Variants in JMJD1C observed in about 807,000 individuals in gnomAD.
The protein encoded by JMJD1C is jumonji domain-containing protein 1C.
Under a neutral mutation model 245.3 loss-of-function variants are expected in JMJD1C, and 31 were observed. The observed-to-expected ratio is 0.13, with a 90% CI of 0.09 to 0.17. The LOEUF (loss-of-function observed/expected upper bound fraction) is 0.17. JMJD1C is among the 10% of genes least tolerant of loss of function. JMJD1C has a pLI of 1.00. For synonymous variants in JMJD1C, 1,057 were observed against 1,017.4 expected, an observed-to-expected ratio of 1.04 and a Z score of -0.74; for missense variants, 2,691 against 3,000.2, an observed-to-expected ratio of 0.90 and a Z score of 2.41.
intron 1 of JMJD1C, among the ~76,000 whole-genome samples, chr10:63,491,245 T>C (rs184382565): frequency 5.3e-4 from 80 of 152,322 alleles, no homozygotes; most frequent in African/African-American, 1.9e-3. Context: ...TTATAACTTT[T>C]CTTTTTCATC....
chr10:63,464,335 AAC>A (rs965278854), intron 1 of JMJD1C, among the ~76,000 whole-genome samples: 9 of 152,324 alleles, frequency 5.9e-5, no homozygotes, highest in African/African-American at 1.9e-4. Flanking sequence ...AGTTTACAAA[AAC>A]ACACTCAGAA....
At chr10:63,338,640 ATTTTTTTTTTTTTTT>A (rs34238197) in intron 2 of JMJD1C, among the ~76,000 whole-genome samples, 90 of 95,128 alleles carry the variant, frequency 9.5e-4, no homozygotes, top group African/African-American at 3.7e-3. Flanking sequence ...TGCTCCTTAG[ATTTTTTTTTTTTTTT>A]TTTTTTTTTT....
chr10:63,442,901 C>T (rs1951475451), intron 1 of JMJD1C, among the ~76,000 whole-genome samples: 4 of 152,144 alleles, frequency 2.6e-5, no homozygotes, highest in South Asian at 2.1e-4. Flanking sequence ...ACCACTTCTC[C>T]GACTCTCTGA....
At chr10:63,323,089 C>A (rs1310203617) in intron 2 of JMJD1C, among the ~76,000 whole-genome samples, 1 of 151,940 alleles carries the variant, frequency 6.6e-6, no homozygotes, top group Non-Finnish European at 1.5e-5. Context: ...CCGCCTTGGG[C>A]AAGACCAAAG....
At position 63,206,614 on chromosome 10, in the gene JMJD1C, C is replaced by T. The variant is rs1330490299; in HGVS notation, c.5055G>A (p.Lys1685=). Residue 1685 remains lysine (K), a synonymous_variant, in exon 10 of 26, where the codon AAG becomes AAA. Transcript: ENST00000399262. ...SRSAKERSKL[K]LQSNSNTGIP... ...ACTTACTATTACTGTTGCTTTGCAA[C>T]TTCAGTTTACTTCTTTCTTTGGCAC... 8 of 1,591,332 alleles carry T rather than the reference C, an allele frequency of 5.0e-6. No individual in the cohort carries two copies. The highest frequency in any genetic ancestry group is 6.8e-6 in the Non-Finnish European group (8 of 1,172,618).
At chr10:63,351,477 T>C (rs138812139) in intron 2 of JMJD1C, among the ~76,000 whole-genome samples, 206 of 152,294 alleles carry the variant, frequency 1.4e-3, no homozygotes, top group Non-Finnish European at 2.5e-3. Flanking sequence ...TTGAGGTCTA[T>C]TATAATTCCT....
Position 63,241,074 on chromosome 10 carries a change from G to T in JMJD1C, c.448-21091C>A, listed in dbSNP as rs1413206262. Among the ~76,000 whole-genome samples the T allele has an allele frequency of 2.0e-5, 3 of 152,160 alleles. No homozygotes were observed. The East Asian group carries it at 5.8e-4, about 29-fold the overall frequency. On this transcript the variant is annotated intron_variant, in intron 3 of 25. Coordinates refer to ENST00000399262, the MANE Select transcript of JMJD1C (RefSeq NM_032776.3). ...CGGTATTATAAAACATAAGTACTGTGAATGAGACTCGACTATAGAGCTAGA... is the reference window on the plus strand; with the variant it reads ...CGGTATTATAAAACATAAGTACTGTTAATGAGACTCGACTATAGAGCTAGA...
intron 2 of JMJD1C, among the ~76,000 whole-genome samples, chr10:63,358,435 T>C (rs962357724): frequency 1.3e-5 from 2 of 151,688 alleles, no homozygotes; most frequent in Admixed American, 6.6e-5. Flanking sequence ...CGGTGGTGTG[T>C]ACCTGTCGTC....
At position 63,219,871 on chromosome 10, in the gene JMJD1C, T is replaced by TA; in HGVS notation, c.553+6dup. The stretch of plus-strand genomic sequence containing the variant: ...AAAAATTTAATGCATAACTTCAAAA[T>TA]AGTTACCTTGCATAAAAATCTCCTG... On this transcript the variant is annotated splice_region_variant and intron_variant, in intron 4 of 25. Transcript: ENST00000399262. 1 of 1,605,494 alleles carries TA rather than the reference T, an allele frequency of 6.2e-7. No homozygotes were observed. The highest frequency in any genetic ancestry group is 2.2e-5 in the East Asian group (1 of 44,818).
Position 63,319,858 on chromosome 10 carries a change from G to C in JMJD1C, c.334-55094C>G, listed in dbSNP as rs528748459. On this transcript the variant is annotated intron_variant, in intron 2 of 25. Transcript: ENST00000399262. Reference sequence around the variant, plus strand: ...TGGCTCACTGCAACCTCCACCTCCAGGTTCAAGCAATTCTCCTGCCTCAGC... The same window carrying C: ...TGGCTCACTGCAACCTCCACCTCCACGTTCAAGCAATTCTCCTGCCTCAGC... 9.0e-4 allele frequency among the ~76,000 whole-genome samples: 137 copies of C among 152,294 alleles called. 3 individuals carry two copies. The South Asian group carries it at 0.028, about 31-fold the overall frequency.
Position 63,189,221 on chromosome 10 carries a change from A to AAT in JMJD1C, c.6515_6516dup (p.Tyr2173IlefsTer30). 6.2e-7 allele frequency: 1 copy of AAT among 1,612,734 alleles called. No individual in the cohort carries two copies. The highest frequency in any genetic ancestry group is 8.5e-7 in the Non-Finnish European group (1 of 1,179,436). ...AGCTTCCAATTACTGCTATTCTTATAATCCTTAAGCCATAAAATATGCTTC... is the reference window on the plus strand; with the variant it reads ...AGCTTCCAATTACTGCTATTCTTATAATATCCTTAAGCCATAAAATATGCTTC... On this transcript the variant is annotated frameshift_variant, in exon 18 of 26. Transcript: ENST00000399262. LOFTEE classifies it high-confidence loss of function.
chr10:63,213,637 G>C lies in JMJD1C; in HGVS notation c.2530C>G (p.Leu844Val). ...QQLLQHQSPH[L>V]LGQAHPSASY... Reference sequence around the variant, plus strand: ...GCAGAAGGATGGGCTTGTCCAAGAAGATGAGGTGACTGGTGCTGTAACAAC... The same window carrying C: ...GCAGAAGGATGGGCTTGTCCAAGAACATGAGGTGACTGGTGCTGTAACAAC... The change falls in exon 8 of 26, where the codon CTT becomes GTT. Residue 844 changes from leucine (L) to valine (V), a missense_variant. Around this residue, in one of 9 missense-constraint regions of JMJD1C, gnomAD observed 1,562 missense variants for 1,490.7 expected, o/e 1.05. Transcript: ENST00000399262. 1 of 1,614,216 alleles carries C rather than the reference G, an allele frequency of 6.2e-7. No individual in the cohort carries two copies. Among genetic ancestry groups the C allele is most frequent in the South Asian group, 1.1e-5 (1 of 91,090 alleles).
chr10:63,298,868 GAAT>G (rs1564751799), intron 2 of JMJD1C, among the ~76,000 whole-genome samples: 1 of 152,074 alleles, frequency 6.6e-6, no homozygotes. Flanking sequence ...GAATAGCTGA[GAAT>G]ACAGGTGCCC....
At chr10:63,372,366 T>G (rs937807793) in intron 2 of JMJD1C, among the ~76,000 whole-genome samples, 6 of 152,250 alleles carry the variant, frequency 3.9e-5, no homozygotes, top group African/African-American at 1.4e-4. Context: ...GACTTCTGTT[T>G]CTTCCTTTAA....
chr10:63,424,128 A>T (rs893729017), intron 1 of JMJD1C, among the ~76,000 whole-genome samples: 2 of 152,104 alleles, frequency 1.3e-5, no homozygotes, highest in Admixed American at 6.6e-5. Flanking sequence ...ATCGTGGTTC[A>T]CTGTAACCTC....
intron 1 of JMJD1C, among the ~76,000 whole-genome samples, chr10:63,400,747 A>G (rs1948799339): frequency 6.6e-6 from 1 of 152,034 alleles, no homozygotes; most frequent in South Asian, 2.1e-4. Context: ...CTTTTAGTAG[A>G]GACGGGGTTT....
chr10:63,385,383 T>A (rs538795956), intron 1 of JMJD1C, among the ~76,000 whole-genome samples: 90 of 150,328 alleles, frequency 6.0e-4, no homozygotes, highest in South Asian at 3.4e-3. Context: ...AGATGCAAAG[T>A]TGTCACAAAT....
chr10:63,335,598 G>C (rs970336299), intron 2 of JMJD1C, among the ~76,000 whole-genome samples: 5 of 152,008 alleles, frequency 3.3e-5, no homozygotes, highest in African/African-American at 7.2e-5. Context: ...CGCAAGCTCC[G>C]CCTCCAGGGT....
chr10:63,261,130 A>G (rs9415680), intron 3 of JMJD1C, among the ~76,000 whole-genome samples: 130,743 of 152,150 alleles, frequency 0.86, 56,879 homozygotes, highest in African/African-American at 0.96. Flanking sequence ...AACAATATCG[A>G]GGCCTGTTGC....
Sources: gnomAD v4.1 joint callset for allele counts (sites outside exome capture counted in the v4.1 genomes callset) on GRCh38, gnomAD v4.1.1 for gene constraint, gnomAD v4.1.1 regional missense constraint, MANE v1.5 for transcripts, NCBI Gene and HGNC (gene_info 2026-07-23, HGNC 2026-07-21) for gene names.